SSH2: variants seen among roughly 807,000 people sequenced by gnomAD.
SSH2 encodes slingshot protein phosphatase 2.
Under a neutral mutation model 135.2 loss-of-function variants are expected in SSH2, and 37 were observed. The ratio of observed to expected loss-of-function variants is 0.27; its 90% CI spans 0.21 to 0.36. The LOEUF (loss-of-function observed/expected upper bound fraction) is 0.36, where lower values mean the gene tolerates loss of function less well. SSH2 is among the 10% of genes least tolerant of loss of function. The probability of loss-of-function intolerance (pLI) is 1.00; values close to 1 mark genes in which losing one functional copy is unlikely to be tolerated. For synonymous variants in SSH2, 628 were observed against 646.2 expected (o/e 0.97, Z 0.43); for missense variants, 1,408 against 1,765.3 (o/e 0.80, Z 3.63).
chr17:29,877,159 AAACTACAATGAGAT>A (rs1185425912), intron 1 of SSH2, among the ~76,000 whole-genome samples: 3 of 152,244 alleles, frequency 2.0e-5, no homozygotes, highest in Non-Finnish European at 4.4e-5. Context: ...ATGCAAATCA[AAACTACAATGAGAT>A]ATCATCTCAT....
In SSH2 at chr17:29,779,765, C is replaced by T. The variant is rs186303184; in HGVS notation, c.188+14129G>A. 7.8e-4 allele frequency among the ~76,000 whole-genome samples: 102 copies of T among 130,214 alleles called. No individual in the cohort carries two copies. The East Asian group carries it at 0.018, about 22-fold the overall frequency. 85.4% of individuals were successfully genotyped at this position (130,214 alleles called of 152,430 possible). ...CTCAGAAAGTGGAGTGTGCTGAGATCGCCCCATTGCATTCCAGCCTGGGCG... is the reference window on the plus strand; with the variant it reads ...CTCAGAAAGTGGAGTGTGCTGAGATTGCCCCATTGCATTCCAGCCTGGGCG... On this transcript the variant is annotated intron_variant, in intron 3 of 15. Transcript: ENST00000540801.
intron 2 of SSH2, among the ~76,000 whole-genome samples, chr17:29,806,632 A>G (rs1021716025): frequency 6.6e-6 from 1 of 152,228 alleles, no homozygotes; most frequent in Non-Finnish European, 1.5e-5. Flanking sequence ...GTGTGTCATG[A>G]TCCAGCCACA....
Position 29,922,763 on chromosome 17 carries a change from A to G in SSH2, c.63+7175T>C, listed in dbSNP as rs1326222094. Among the ~76,000 whole-genome samples the G allele has an allele frequency of 3.3e-5, 5 of 152,256 alleles. No individual in the cohort carries two copies. In the East Asian group the frequency reaches 9.6e-4, roughly 29 times the overall value. On this transcript the variant is annotated intron_variant, in intron 1 of 15. Transcript: ENST00000540801. The stretch of plus-strand genomic sequence containing the variant: ...AAGGAGTTCAAGGCTAGCCTGGGAA[A>G]TAACAAGACACCAATTCAAAAATGA...
At chr17:29,690,979 T>C (rs1362198342) in intron 5 of SSH2, among the ~76,000 whole-genome samples, 4 of 151,776 alleles carry the variant, frequency 2.6e-5, no homozygotes, top group African/African-American at 9.7e-5. Flanking sequence ...CTCTCATATA[T>C]ACATATTTAA....
chr17:29,636,433 T>C lies in SSH2; in HGVS notation c.1797A>G (p.Ala599=), dbSNP rs200365960. 13 of 1,614,234 alleles carry C rather than the reference T, an allele frequency of 8.1e-6. No homozygotes were observed. The Admixed American group carries it at 2.0e-4, about 25-fold the overall frequency. ...ESKFPLDNCH[A]SKALIQPGHV... ...GTCCAGGCTGAATTAAGGCTTTGGA[T>C]GCATGGCAATTGTCAAGAGGAAATT... Residue 599 remains alanine (A), a synonymous_variant, in exon 15 of 16, where the codon GCA becomes GCG. Coordinates refer to ENST00000540801, the MANE Select transcript of SSH2 (RefSeq NM_001282129.2).
At chr17:29,705,350 C>T (rs2039155644) in intron 3 of SSH2, among the ~76,000 whole-genome samples, 2 of 152,030 alleles carry the variant, frequency 1.3e-5, no homozygotes, top group Admixed American at 1.3e-4. Context: ...ATAAGTAAGC[C>T]CCCATGTTCC....
intron 3 of SSH2, among the ~76,000 whole-genome samples, chr17:29,706,216 AGATTAGCAAAT>A (rs2039193853): frequency 6.6e-6 from 1 of 152,248 alleles, no homozygotes; most frequent in Non-Finnish European, 1.5e-5. Flanking sequence ...GTTTGATGAT[AGATTAGCAAAT>A]GAAGTTAAAT....
At chr17:29,923,070 C>G (rs1232141315) in intron 1 of SSH2, among the ~76,000 whole-genome samples, 1 of 152,116 alleles carries the variant, frequency 6.6e-6, no homozygotes, top group Non-Finnish European at 1.5e-5. Context: ...ACCGCCACAC[C>G]CAGCTAATTT....
chr17:29,803,001 G>A (rs928014211), intron 2 of SSH2, among the ~76,000 whole-genome samples: 7 of 152,042 alleles, frequency 4.6e-5, no homozygotes, highest in East Asian at 1.9e-4. Flanking sequence ...TATGTGCTTC[G>A]AAACTGGAAG....
intron 3 of SSH2, among the ~76,000 whole-genome samples, chr17:29,712,329 T>TG (rs1468806630): frequency 6.6e-6 from 1 of 152,160 alleles, no homozygotes; most frequent in Non-Finnish European, 1.5e-5. Flanking sequence ...AGGAATAGAA[T>TG]GGGGGGCAGT....
intron 5 of SSH2, among the ~76,000 whole-genome samples, chr17:29,690,306 G>A (rs2038411763): frequency 6.6e-6 from 1 of 151,730 alleles, no homozygotes; most frequent in Admixed American, 6.6e-5. Context: ...TCAGGAGGCT[G>A]AGGCAGGAGA....
intron 1 of SSH2, among the ~76,000 whole-genome samples, chr17:29,879,951 A>G (rs1483850110): frequency 6.6e-6 from 1 of 152,232 alleles, no homozygotes; most frequent in African/African-American, 2.4e-5. Flanking sequence ...TCAAAAATCT[A>G]TTGTTATATT....
At chr17:29,812,785 G>C (rs1317305007) in intron 2 of SSH2, among the ~76,000 whole-genome samples, 2 of 151,956 alleles carry the variant, frequency 1.3e-5, no homozygotes, top group Non-Finnish European at 2.9e-5. Context: ...AGCTACTCGG[G>C]AGGCTGAGGC....
intron 3 of SSH2, among the ~76,000 whole-genome samples, chr17:29,704,378 A>G (rs1322824584): frequency 6.6e-6 from 1 of 152,132 alleles, no homozygotes; most frequent in Non-Finnish European, 1.5e-5. Flanking sequence ...ATAGGTGGAG[A>G]ATTACTGCTG....
At chr17:29,655,263 C>G (rs1047009778) in intron 12 of SSH2, among the ~76,000 whole-genome samples, 1 of 152,062 alleles carries the variant, frequency 6.6e-6, no homozygotes, top group African/African-American at 2.4e-5. Flanking sequence ...GCCACCATGC[C>G]TGGCTAATTT....
At chr17:29,904,540 A>G (rs951446502) in intron 1 of SSH2, among the ~76,000 whole-genome samples, 1 of 152,178 alleles carries the variant, frequency 6.6e-6, no homozygotes, top group African/African-American at 2.4e-5. Context: ...TCCACAGCCA[A>G]TATCATACTG....
At chr17:29,663,839 A>G (rs1437923016) in intron 11 of SSH2, among the ~76,000 whole-genome samples, 3 of 152,232 alleles carry the variant, frequency 2.0e-5, no homozygotes, top group Non-Finnish European at 4.4e-5. Context: ...TTAGTTTACA[A>G]TGATGTGCCA....
intron 2 of SSH2, among the ~76,000 whole-genome samples, chr17:29,809,681 G>T (rs1199129379): frequency 6.6e-6 from 1 of 151,892 alleles, no homozygotes; most frequent in Non-Finnish European, 1.5e-5. Context: ...TCAGCCTCCT[G>T]AGTAACTGAG....
chr17:29,841,555 T>C (rs17226179), intron 2 of SSH2, among the ~76,000 whole-genome samples: 63,337 of 152,076 alleles, frequency 0.42, 15,180 homozygotes, highest in East Asian at 0.69. Context: ...TTAATTGTGT[T>C]GTACCTGAGT....
Sources: gnomAD v4.1 joint callset for allele counts (sites outside exome capture counted in the v4.1 genomes callset) on GRCh38, gnomAD v4.1.1 for gene constraint, MANE v1.5 for transcripts, NCBI Gene and HGNC (gene_info 2026-07-23, HGNC 2026-07-21) for gene names.